CLVS1: variants seen among roughly 807,000 people sequenced by gnomAD.
CLVS1 encodes the protein clavesin 1.
Under a neutral mutation model 33.1 loss-of-function variants are expected in CLVS1, and 10 were observed. The ratio of observed to expected loss-of-function variants is 0.30; its 90% CI spans 0.19 to 0.51. The LOEUF (loss-of-function observed/expected upper bound fraction) is 0.51. Ranked by LOEUF, CLVS1 falls within the 20% of genes least tolerant of loss-of-function variation. The pLI, the probability that CLVS1 is intolerant of heterozygous loss-of-function variation, is 0.97. For synonymous variants in CLVS1, 163 were observed against 166.1 expected, an observed-to-expected ratio of 0.98 and a Z score of 0.14; for missense variants, 343 against 433.4, an observed-to-expected ratio of 0.79 and a Z score of 1.85.
chr8:61,017,459 G>A, the CLVS1 span, among the ~76,000 whole-genome samples: 1 of 152,212 alleles, frequency 6.6e-6, no homozygotes, highest in Non-Finnish European at 1.5e-5. Flanking sequence ...TGTCCAGAAG[G>A]CAACATGTTT....
At chr8:61,003,480 T>G in the CLVS1 span, among the ~76,000 whole-genome samples, 1 of 152,224 alleles carries the variant, frequency 6.6e-6, no homozygotes, top group South Asian at 2.1e-4. Context: ...AGAAGCTTAA[T>G]AAAGCAGCTC....
chr8:61,070,985 C>T (rs1804783952), intron 1 of CLVS1, among the ~76,000 whole-genome samples: 1 of 152,192 alleles, frequency 6.6e-6, no homozygotes, highest in African/African-American at 2.4e-5. Context: ...TTCATTAAGC[C>T]TCTTTCAAAC....
chr8:61,184,457 A>G (rs1020802509), intron 2 of CLVS1, among the ~76,000 whole-genome samples: 1 of 152,206 alleles, frequency 6.6e-6, no homozygotes, highest in African/African-American at 2.4e-5. Context: ...GGCACAGTAG[A>G]TCCTCTGAAA....
the CLVS1 span, among the ~76,000 whole-genome samples, chr8:61,037,979 G>C: frequency 6.6e-6 from 1 of 152,146 alleles, no homozygotes; most frequent in African/African-American, 2.4e-5. Context: ...AGGATGAGAA[G>C]AAACCAGGGC....
chr8:61,150,026 G>C (rs577080263), intron 2 of CLVS1, among the ~76,000 whole-genome samples: 1 of 151,904 alleles, frequency 6.6e-6, no homozygotes, highest in South Asian at 2.1e-4. Flanking sequence ...CTATCACAAG[G>C]CTGAAAATCC....
the CLVS1 span, among the ~76,000 whole-genome samples, chr8:60,971,333 C>A: frequency 6.6e-6 from 1 of 152,194 alleles, no homozygotes; most frequent in East Asian, 1.9e-4. Context: ...CCTGCCTTGG[C>A]CTTCCGAAGT....
At chr8:61,467,414 G>A (rs190448621) in intron 5 of CLVS1, among the ~76,000 whole-genome samples, 1 of 152,280 alleles carries the variant, frequency 6.6e-6, no homozygotes, top group Admixed American at 6.5e-5. Flanking sequence ...CATCTTTCCC[G>A]GTATTTCTTG....
the CLVS1 span, among the ~76,000 whole-genome samples, chr8:60,994,085 ACAGTT>A: frequency 6.6e-6 from 1 of 152,282 alleles, no homozygotes; most frequent in African/African-American, 2.4e-5. Flanking sequence ...GTGTTTCTTC[ACAGTT>A]TTGAAGGCTG....
At chr8:61,030,968 A>C in the CLVS1 span, among the ~76,000 whole-genome samples, 1 of 152,216 alleles carries the variant, frequency 6.6e-6, no homozygotes, top group African/African-American at 2.4e-5. Flanking sequence ...GATAATAAAA[A>C]TACCTATTTC....
At chr8:61,240,894 G>GTT (rs549955338) in intron 2 of CLVS1, among the ~76,000 whole-genome samples, 1,389 of 130,596 alleles carry the variant, frequency 0.011, 44 homozygotes, top group Admixed American at 0.034. Flanking sequence ...TTTGCTGTAG[G>GTT]TTTTTTTTTT....
rs1239326835 is a variant in CLVS1 at position 61,219,422 on chromosome 8, G to A, written c.-151-80255G>A. ...TGTTTGATTTTCTGTTCCTGTGTTA[G>A]TTTGCTGAGGATGATGGCTTCCAGC... is the stretch of plus-strand genomic sequence containing the variant. On this transcript the variant is annotated intron_variant, in intron 2 of 2. Transcript: ENST00000522621. Among the ~76,000 whole-genome samples the A allele has an allele frequency of 2.0e-5, 3 of 152,254 alleles. No homozygotes were observed. The East Asian group carries it at 5.8e-4, about 29-fold the overall frequency.
At chr8:61,335,729 T>A (rs573227776) in intron 2 of CLVS1, among the ~76,000 whole-genome samples, 1 of 152,342 alleles carries the variant, frequency 6.6e-6, no homozygotes, top group South Asian at 2.1e-4. Flanking sequence ...TCAAAAAGTG[T>A]CAAACTCCTG....
At chr8:61,439,619 A>G (rs1816468283) in intron 3 of CLVS1, among the ~76,000 whole-genome samples, 1 of 152,186 alleles carries the variant, frequency 6.6e-6, no homozygotes, top group Non-Finnish European at 1.5e-5. Context: ...AGCAATTGAG[A>G]TTATCTTAGT....
intron 2 of CLVS1, among the ~76,000 whole-genome samples, chr8:61,174,758 A>G (rs1212362185): frequency 7.1e-6 from 1 of 141,574 alleles, no homozygotes; most frequent in Non-Finnish European, 1.6e-5. Context: ...AGAACTTACA[A>G]TTTAATTGGA....
chr8:61,137,569 C>T (rs1276957690), intron 2 of CLVS1, among the ~76,000 whole-genome samples: 2 of 152,172 alleles, frequency 1.3e-5, no homozygotes, highest in Admixed American at 1.3e-4. Context: ...CCCCAGTCTC[C>T]TTTCCTCAAG....
intron 2 of CLVS1, among the ~76,000 whole-genome samples, chr8:61,371,487 A>T (rs1287546707): frequency 1.3e-5 from 2 of 152,150 alleles, no homozygotes; most frequent in Non-Finnish European, 2.9e-5. Flanking sequence ...TTAGTACAGG[A>T]ATATGCCCTG....
intron 5 of CLVS1, 31 bp downstream of exon 5, chr8:61,458,573 C>CG: frequency 7.1e-7 from 1 of 1,400,312 alleles, no homozygotes; most frequent in Admixed American, 2.4e-5. Context: ...GCCCCCCCCC[C>CG]AGTCAGAGGT....
At chr8:61,485,531 G>C (rs926056733) in intron 5 of CLVS1, among the ~76,000 whole-genome samples, 2 of 152,258 alleles carry the variant, frequency 1.3e-5, no homozygotes, top group Non-Finnish European at 2.9e-5. Context: ...GTGGAAGGCA[G>C]TGTGGCGATT....
intron 3 of CLVS1, among the ~76,000 whole-genome samples, chr8:61,412,153 G>T (rs779567789): frequency 6.6e-6 from 1 of 152,206 alleles, no homozygotes; most frequent in Non-Finnish European, 1.5e-5. Flanking sequence ...GATGGGAAAG[G>T]CAAAGTTCCA....
Sources: gnomAD v4.1 joint callset for allele counts (sites outside exome capture counted in the v4.1 genomes callset) on GRCh38, gnomAD v4.1.1 for gene constraint, MANE v1.5 for transcripts, NCBI Gene and HGNC (gene_info 2026-07-23, HGNC 2026-07-21) for gene names.